C12orf42: variants seen among roughly 807,000 people sequenced by gnomAD.
C12orf42 encodes the protein chromosome 12 open reading frame 42.
In C12orf42, 25 loss-of-function variants were observed where a neutral mutation model predicts 21.6. The observed-to-expected ratio is 1.16, with a 90% CI of 0.84 to 1.62. C12orf42 has a LOEUF of 1.62. Ranked by LOEUF, C12orf42 falls within the 40% of genes most tolerant of loss-of-function variation. C12orf42 has a pLI of 0.00. For missense variants in C12orf42, 483 were observed against 459.3 expected (o/e 1.05, Z -0.47); for synonymous variants, 174 against 175.0 (o/e 0.99, Z 0.05).
intron 3 of C12orf42, among the ~76,000 whole-genome samples, chr12:103,395,819 A>G (rs1028927305): frequency 1.3e-5 from 2 of 151,346 alleles, no homozygotes; most frequent in Admixed American, 6.6e-5. Flanking sequence ...TATACATTAT[A>G]ACATAATAGT....
At chr12:103,115,126 A>T in the C12orf42 span, among the ~76,000 whole-genome samples, 1 of 152,228 alleles carries the variant, frequency 6.6e-6, no homozygotes, top group Non-Finnish European at 1.5e-5. Flanking sequence ...TAAAGTCTTT[A>T]TGTTAATCTC....
chr12:103,133,353 A>C, the C12orf42 span, among the ~76,000 whole-genome samples: 1 of 152,144 alleles, frequency 6.6e-6, no homozygotes, highest in Middle Eastern at 3.2e-3. Flanking sequence ...CCAGTCCACT[A>C]TTGTTACTAC....
chr12:103,380,020 C>T lies in C12orf42; in HGVS notation c.148-11022G>A, dbSNP rs577959937. Among the ~76,000 whole-genome samples, 10 of 152,206 alleles carry T rather than the reference C, an allele frequency of 6.6e-5. No homozygotes were observed. The South Asian group carries it at 8.3e-4, about 13-fold the overall frequency. Reference sequence around the variant, plus strand: ...GATAATTACCGTTAGTGAGGCCTTACGTAAGTGTATCTAATATCTAAGGCC... The same window carrying T: ...GATAATTACCGTTAGTGAGGCCTTATGTAAGTGTATCTAATATCTAAGGCC... On this transcript the variant is annotated intron_variant, in intron 3 of 5. Coordinates refer to ENST00000548883, the MANE Select transcript of C12orf42 (RefSeq NM_198521.5).
chr12:103,251,656 C>A (rs2034311185), intron 10 of C12orf42, among the ~76,000 whole-genome samples: 1 of 152,128 alleles, frequency 6.6e-6, no homozygotes. Context: ...ACATGGCCTG[C>A]ATAGTATGAC....
intron 2 of C12orf42, among the ~76,000 whole-genome samples, chr12:103,456,461 T>G (rs1257529165): frequency 1.3e-5 from 2 of 152,122 alleles, no homozygotes; most frequent in African/African-American, 4.8e-5. Context: ...TAAAACTGGC[T>G]TCTCAAAATT....
chr12:103,251,443 A>G (rs1308057620), intron 10 of C12orf42, among the ~76,000 whole-genome samples: 4 of 152,142 alleles, frequency 2.6e-5, no homozygotes, highest in Non-Finnish European at 5.9e-5. Flanking sequence ...CTTAATCTGT[A>G]TTATTCATAC....
intron 2 of C12orf42, among the ~76,000 whole-genome samples, chr12:103,421,507 A>G (rs2049900022): frequency 6.6e-6 from 1 of 151,960 alleles, no homozygotes; most frequent in South Asian, 2.1e-4. Context: ...CTGGGAGGTT[A>G]AGGCTACAGA....
At chr12:103,083,668 G>A in the C12orf42 span, among the ~76,000 whole-genome samples, 1 of 152,186 alleles carries the variant, frequency 6.6e-6, no homozygotes, top group Non-Finnish European at 1.5e-5. Flanking sequence ...ATAAAAAACT[G>A]AGTTGAAACT....
At chr12:103,098,587 G>A in the C12orf42 span, among the ~76,000 whole-genome samples, 2 of 152,198 alleles carry the variant, frequency 1.3e-5, no homozygotes, top group African/African-American at 4.8e-5. Context: ...CTCTCACCCT[G>A]AAAAGAAGCA....
the C12orf42 span, among the ~76,000 whole-genome samples, chr12:103,544,876 C>G: frequency 1.3e-5 from 2 of 152,066 alleles, no homozygotes; most frequent in African/African-American, 4.8e-5. Flanking sequence ...GAGGGGTGGA[C>G]AGCTTTATTT....
intron 4 of C12orf42, chr12:103,368,065 C>A (rs1211527139): frequency 1.6e-5 from 21 of 1,285,206 alleles, no homozygotes; most frequent in Non-Finnish European, 2.1e-5. Flanking sequence ...GTAAATTGGA[C>A]AGGCACATTT....
chr12:103,481,133 C>T (rs980130113), intron 1 of C12orf42, among the ~76,000 whole-genome samples: 14 of 151,770 alleles, frequency 9.2e-5, no homozygotes, highest in Middle Eastern at 3.5e-3. Flanking sequence ...TTTATCTCTA[C>T]CAATTTTTTT....
intron 2 of C12orf42, among the ~76,000 whole-genome samples, chr12:103,449,755 G>C (rs952885577): frequency 8.7e-5 from 13 of 149,114 alleles, no homozygotes; most frequent in Admixed American, 8.0e-4. Flanking sequence ...GGTCATTCCT[G>C]ACTTTTTGTT....
chr12:103,124,058 T>A, the C12orf42 span, among the ~76,000 whole-genome samples: 1 of 151,004 alleles, frequency 6.6e-6, no homozygotes, highest in Non-Finnish European at 1.5e-5. Flanking sequence ...GTGGTCATGA[T>A]AAGAAGACTC....
At chr12:103,380,824 C>T (rs368139384) in intron 3 of C12orf42, among the ~76,000 whole-genome samples, 2 of 152,188 alleles carry the variant, frequency 1.3e-5, no homozygotes, top group African/African-American at 4.8e-5. Flanking sequence ...CAAATCCTCA[C>T]AATAACCTTA....
chr12:103,255,625 T>G lies in C12orf42; in HGVS notation c.*1366+7701A>C, dbSNP rs549765780. On this transcript the variant is annotated intron_variant and NMD_transcript_variant, in intron 10 of 10. Coordinates refer to the C12orf42 transcript ENST00000547347. ...TTCTTTTTAAAAATTACTTATCGTT[T>G]GTTTTAAGGACCATTTAGTCTAAAA... Among the ~76,000 whole-genome samples, 4 of 152,280 alleles carry G rather than the reference T, an allele frequency of 2.6e-5. No homozygotes were observed. In the East Asian group the frequency reaches 7.7e-4, roughly 29 times the overall value.
chr12:103,373,971 A>G (rs1037166477), intron 3 of C12orf42, among the ~76,000 whole-genome samples: 2 of 152,320 alleles, frequency 1.3e-5, no homozygotes, highest in South Asian at 2.1e-4. Flanking sequence ...GATTTTAATC[A>G]TGGCTCTTAA....
chr12:103,344,928 A>G (rs969811232), intron 4 of C12orf42, among the ~76,000 whole-genome samples: 2 of 152,234 alleles, frequency 1.3e-5, no homozygotes, highest in African/African-American at 2.4e-5. Context: ...TTCACAAGGT[A>G]GCTCTGGGTG....
intron 2 of C12orf42, among the ~76,000 whole-genome samples, chr12:103,469,509 A>AT: frequency 6.6e-6 from 1 of 152,270 alleles, no homozygotes; most frequent in East Asian, 1.9e-4. Context: ...AGAAAATCTG[A>AT]TTTTTTGGCC....
Sources: allele counts gnomAD v4.1 joint callset (sites outside exome capture counted in the v4.1 genomes callset), GRCh38; gene constraint gnomAD v4.1.1; transcripts MANE v1.5; gene names NCBI Gene and HGNC (gene_info 2026-07-23, HGNC 2026-07-21).